The following PHC1 variants were observed in gnomAD, a reference collection of about 807,000 sequenced individuals.
PHC1 encodes the protein polyhomeotic homolog 1.
Under a neutral mutation model 104.3 loss-of-function variants are expected in PHC1, and 12 were observed. The observed-to-expected ratio is 0.12, with a 90% CI of 0.07 to 0.19. PHC1 has a LOEUF of 0.19. PHC1 is among the 10% of genes least tolerant of loss of function. The pLI is 1.00. For synonymous variants in PHC1, 302 were observed against 455.8 expected, an observed-to-expected ratio of 0.66 and a Z score of 4.30; for missense variants, 671 against 1,200.0, an observed-to-expected ratio of 0.56 and a Z score of 6.51.
intron 6 of PHC1, among the ~76,000 whole-genome samples, chr12:8,924,730 C>T: frequency 6.6e-6 from 1 of 152,078 alleles, no homozygotes. Context: ...AATCAACAGG[C>T]ATGATGATAG....
rs1945947117 is a variant in PHC1 at position 8,939,521 on chromosome 12, G to C, written c.*62G>C. 1.1e-6 allele frequency: 1 copy of C among 880,158 alleles called. No homozygotes were observed. The highest frequency in any genetic ancestry group is 1.7e-6 in the Non-Finnish European group (1 of 578,020). 54.5% of individuals were successfully genotyped at this position (880,158 alleles called of 1,614,324 possible). A position where few individuals can be genotyped will look rare whatever the true frequency, so the allele number is the denominator to read the frequency against. On this transcript the variant is annotated 3_prime_UTR_variant, in exon 15 of 15. Transcript: ENST00000544916. ...CTCTCCACTGTCCAGGTTATAACCT[G>C]GTACCAGCAGACTTTGCAGGGAAGA...
intron 6 of PHC1, among the ~76,000 whole-genome samples, chr12:8,930,077 CTG>C (rs1342353629): frequency 4.6e-5 from 7 of 152,168 alleles, no homozygotes; most frequent in African/African-American, 1.7e-4. Context: ...AGAGCAGAGA[CTG>C]TGTCTTTCCT....
At chr12:8,935,070 T>C in intron 10 of PHC1, 54 bp from the exon 11 acceptor site, 1 of 873,088 alleles carries the variant, frequency 1.1e-6, no homozygotes, top group Non-Finnish European at 1.8e-6. Flanking sequence ...GGGAAAGCTA[T>C]AGAGAAGCAG....
chr12:8,920,009 T>A, intron 3 of PHC1, 143 bp downstream of exon 3: 1 of 1,278,782 alleles, frequency 7.8e-7, no homozygotes, highest in Non-Finnish European at 1.1e-6. Context: ...TGTGGGAGGA[T>A]GGATGCATCT....
intron 6 of PHC1, among the ~76,000 whole-genome samples, chr12:8,928,050 C>T (rs986455256): frequency 3.3e-5 from 5 of 151,416 alleles, no homozygotes; most frequent in African/African-American, 9.7e-5. Context: ...TGATTACAGG[C>T]GCGTGCCACT....
rs762139900 is a variant in PHC1 at position 8,922,683 on chromosome 12, G to C, written c.507G>C (p.Val169=). 5.6e-6 allele frequency: 9 copies of C among 1,604,264 alleles called. No homozygotes were observed. The South Asian group carries it at 1.0e-4, about 18-fold the overall frequency. The change falls in exon 6 of 15, where the codon GTG becomes GTC. Residue 169 remains valine, a synonymous_variant. Transcript: ENST00000544916. ...LQVNRTLGRN[V]PLASQLILMP... ...TAAACCGAACCCTGGGTCGGAATGT[G>C]CCTCTAGCCTCCCAACTCATCCTGA...
chr12:8,921,869 A>G, intron 5 of PHC1, 119 bp downstream of exon 5: 1 of 959,844 alleles, frequency 1.0e-6, no homozygotes, highest in Non-Finnish European at 1.5e-6. Context: ...GCTGGAGTGC[A>G]GTGGCACAAT....
chr12:8,934,624 A>G (rs1001110059), intron 10 of PHC1, 146 bp downstream of exon 10: 23 of 613,376 alleles, frequency 3.7e-5, no homozygotes, highest in Non-Finnish European at 5.5e-5. Context: ...TAAAGAAGGA[A>G]AGGGAAAAGA....
intron 6 of PHC1, among the ~76,000 whole-genome samples, 177 bp from the exon 7 acceptor site, chr12:8,930,258 C>T (rs973856799): frequency 9.2e-5 from 14 of 152,192 alleles, no homozygotes; most frequent in Non-Finnish European, 1.8e-4. Flanking sequence ...GAATCAGATA[C>T]AGAGCCAGAG....
chr12:8,933,251 G>T lies in PHC1; in HGVS notation c.1794G>T (p.Val598=). Residue 598 remains valine (V), a synonymous_variant, in exon 8 of 15, where the codon GTG becomes GTT. Coordinates refer to ENST00000544916, the MANE Select transcript of PHC1 (RefSeq NM_004426.3). ...CCCCTGGGATGACCCTTGCTCCTGT[G>T]CAGGGGACAGCACATGTGGTAAAGG... ...TLAPGMTLAP[V]QGTAHVVKGG... The T allele has an allele frequency of 1.3e-6, 2 of 1,494,282 alleles. No homozygotes were observed. Among genetic ancestry groups the T allele is most frequent in the Non-Finnish European group, 9.0e-7 (1 of 1,110,532 alleles). The allele number at this position is 1,494,282 out of a possible 1,614,324, so 92.6% of individuals were successfully genotyped here.
chr12:8,919,687 T>A lies in PHC1; in HGVS notation c.115-69T>A. 6.8e-7 allele frequency: 1 copy of A among 1,462,752 alleles called. No homozygotes were observed. The highest frequency in any genetic ancestry group is 9.4e-7 in the Non-Finnish European group (1 of 1,065,850). The allele number at this position is 1,462,752 out of a possible 1,614,324, so 90.6% of individuals were successfully genotyped here. ...TTCCCATGGCCCCCTTTCACACAAA[T>A]ACAGTGATTTACATAGAATAGGAGC... On this transcript the variant is annotated intron_variant, in intron 2 of 14. Coordinates refer to ENST00000544916, the MANE Select transcript of PHC1 (RefSeq NM_004426.3). The surrounding 1 kb of genome is among the most constrained non-coding windows in gnomAD (Gnocchi z 4.9).
Position 8,926,092 on chromosome 12 carries a change from G to A in PHC1, c.612+3304G>A, listed in dbSNP as rs773728892. ...TGGCTGGTGGTGCTGTTTATGAGAC[G>A]AAGAATGTAGGAGTGTATTTAGAGT... On this transcript the variant is annotated intron_variant, in intron 6 of 14. Transcript: ENST00000544916. 3.9e-5 allele frequency among the ~76,000 whole-genome samples: 6 copies of A among 152,264 alleles called. No individual in the cohort carries two copies. The East Asian group carries it at 7.7e-4, about 20-fold the overall frequency.
At position 8,930,826 on chromosome 12, in the gene PHC1, C is replaced by T. The variant is rs2377669; in HGVS notation, c.1004C>T (p.Ala335Val). The T allele has an allele frequency of 6.5e-7, 1 of 1,542,150 alleles. No homozygotes were observed. Among genetic ancestry groups the T allele is most frequent in the Non-Finnish European group, 8.8e-7 (1 of 1,134,176 alleles). ...AGCCAGACAGAGGCAGAAAGTGCAG[C>T]AGCCAAGAAGGCAGAAGCAGATGGG... ...QGSQTEAESAAAKKAEADGSG... is the reference protein window; with the variant it reads ...QGSQTEAESAVAKKAEADGSG... The change falls in exon 7 of 15, where the codon GCA becomes GTA. Residue 335 changes from alanine (A) to valine (V), a missense_variant. Around this residue, in one of 9 missense-constraint regions of PHC1, gnomAD observed 78 missense variants for 140.8 expected, o/e 0.55. Coordinates refer to ENST00000544916, the MANE Select transcript of PHC1 (RefSeq NM_004426.3).
At chr12:8,922,536 C>A in intron 5 of PHC1, 97 bp from the exon 6 acceptor site, 1 of 1,086,304 alleles carries the variant, frequency 9.2e-7, no homozygotes, top group Non-Finnish European at 1.3e-6. Flanking sequence ...TGTTTAATAT[C>A]TTCTGTTTAT....
At position 8,937,177 on chromosome 12, in the gene PHC1, T is replaced by G. The variant is rs745959176; in HGVS notation, c.2479T>G (p.Tyr827Asp). 1 of 1,610,774 alleles carries G rather than the reference T, an allele frequency of 6.2e-7. No homozygotes were observed. The highest frequency in any genetic ancestry group is 8.5e-7 in the Non-Finnish European group (1 of 1,178,302). Residue 827 changes from tyrosine (Y) to aspartate (D), a missense_variant and splice_region_variant, in exon 13 of 15, where the codon TAC becomes GAC. Around this residue, in one of 9 missense-constraint regions of PHC1, gnomAD observed 192 missense variants for 280.5 expected, o/e 0.68. Coordinates refer to ENST00000544916, the MANE Select transcript of PHC1 (RefSeq NM_004426.3). ...RFCSMTCAKR[Y>D]NVSCSHQFRL... ...TCCTATATATGCCCTGTCCTGTAGG[T>G]ACAATGTGAGCTGTAGCCATCAGTT...
chr12:8,917,742 C>G lies in PHC1; in HGVS notation c.65C>G (p.Ser22Cys), dbSNP rs1315440409. The change falls in exon 2 of 15, where the codon TCT becomes TGT. Residue 22 changes from serine (S) to cysteine (C), a missense_variant. Around this residue, in one of 9 missense-constraint regions of PHC1, gnomAD observed 237 missense variants for 331.1 expected, o/e 0.72. Coordinates refer to ENST00000544916, the MANE Select transcript of PHC1 (RefSeq NM_004426.3). ...GGGAGTTCTAGCTCAGGGGGCAGCTCTCGGCCCCAGATAGCTCAAATGTCA... is the reference window on the plus strand; with the variant it reads ...GGGAGTTCTAGCTCAGGGGGCAGCTGTCGGCCCCAGATAGCTCAAATGTCA... ...TNGSSSSGGSSRPQIAQMSLY... is the reference protein window; with the variant it reads ...TNGSSSSGGSCRPQIAQMSLY... The G allele has an allele frequency of 5.7e-6, 9 of 1,577,644 alleles. No homozygotes were observed. The highest frequency in any genetic ancestry group is 6.9e-6 in the Non-Finnish European group (8 of 1,164,466).
At chr12:8,934,838 A>C (rs1043622398) in intron 10 of PHC1, among the ~76,000 whole-genome samples, 9 of 152,160 alleles carry the variant, frequency 5.9e-5, no homozygotes, top group African/African-American at 2.2e-4. Context: ...TCTCAGCACC[A>C]TAGGAAGGAA....
In PHC1 at chr12:8,919,378, G is replaced by A. The variant is rs989621972; in HGVS notation, c.115-378G>A. 1.3e-5 allele frequency among the ~76,000 whole-genome samples: 2 copies of A among 152,062 alleles called. No individual in the cohort carries two copies. The highest frequency in any genetic ancestry group is 2.9e-5 in the Non-Finnish European group (2 of 68,000). ...GCCTGGCTCAGAAAGATCTCTTGAG[G>A]CCAGGAGTTCAAGACCAGCCTGGGT... On this transcript the variant is annotated intron_variant, in intron 2 of 14. Coordinates refer to ENST00000544916, the MANE Select transcript of PHC1 (RefSeq NM_004426.3). This position sits in a 1 kb window ranked among gnomAD's most constrained non-coding sequence, Gnocchi z 4.9.
chr12:8,927,146 C>T (rs74858796), intron 6 of PHC1, among the ~76,000 whole-genome samples: 2,461 of 152,116 alleles, frequency 0.016, 75 homozygotes, highest in African/African-American at 0.056. Flanking sequence ...TGCGCGCATG[C>T]GTGGGCAGGG....
Sources: gnomAD v4.1 joint callset for allele counts (sites outside exome capture counted in the v4.1 genomes callset) on GRCh38, gnomAD v4.1.1 for gene constraint, gnomAD v4.1.1 regional missense constraint, Gnocchi (gnomAD v3.1) non-coding constraint, MANE v1.5 for transcripts, NCBI Gene and HGNC (gene_info 2026-07-23, HGNC 2026-07-21) for gene names.